Variants in ZDHHC15 observed in about 807,000 individuals in gnomAD.
ZDHHC15 encodes the protein zDHHC palmitoyltransferase 15, also known as palmitoyltransferase ZDHHC15.
ZDHHC15 carries 19 observed loss-of-function variants against 31.7 expected under a neutral mutation model. The observed-to-expected ratio is 0.60, with a 90% CI of 0.42 to 0.88. ZDHHC15 has a LOEUF of 0.88. Ranked by LOEUF, ZDHHC15 falls within the 40% of genes least tolerant of loss-of-function variation. ZDHHC15 has a pLI of 0.00. For synonymous variants in ZDHHC15, 103 were observed against 90.0 expected (o/e 1.14, Z -0.82); for missense variants, 209 against 251.2 (o/e 0.83, Z 1.14).
In ZDHHC15 at chrX:75,450,853, G is replaced by T. The variant is rs951882025; in HGVS notation, c.328C>A (p.Leu110Ile). The T allele has an allele frequency of 8.3e-7, 1 of 1,211,092 alleles. No individual in the cohort carries two copies. The highest frequency in any genetic ancestry group is 1.7e-5 in the African/African-American group (1 of 57,814). ...EERPEVQKQM[L>I]VDMAKKLPVY... ...GGTAGCTTTTTGGCCATATCAACAA[G>T]CATCTGCTTCTGGACCTCAGGTCTT... Residue 110 changes from leucine (L) to isoleucine (I), a missense_variant, in exon 4 of 12, where the codon CTT becomes ATT. Leu to Ile is a conservative substitution (Grantham distance 5). Transcript: ENST00000373367.
At chrX:75,424,855 G>A in intron 7 of ZDHHC15, 71 bp from the exon 8 acceptor site, 1 of 1,036,145 alleles carries the variant, frequency 9.7e-7, no homozygotes. Flanking sequence ...AAATATATAG[G>A]TTAGTAGTTT....
intron 4 of ZDHHC15, among the ~76,000 whole-genome samples, chrX:75,433,271 T>C (rs1376747922): frequency 4.4e-5 from 2 of 45,063 alleles, no homozygotes; most frequent in Non-Finnish European, 6.2e-5. Context: ...TTTGGTATGA[T>C]GGTTAATTTT....
chrX:75,478,791 T>A, intron 3 of ZDHHC15, 100 bp downstream of exon 3: 1 of 609,624 alleles, frequency 1.6e-6, no homozygotes, highest in Non-Finnish European at 2.6e-6. Flanking sequence ...TTACCCTGAC[T>A]CTTTCGTATT....
intron 3 of ZDHHC15, among the ~76,000 whole-genome samples, chrX:75,464,145 T>A (rs1042696740): frequency 3.6e-5 from 4 of 111,364 alleles, no homozygotes; most frequent in Non-Finnish European, 1.9e-5. Context: ...GGGACACGGA[T>A]GAAGCTGGAA....
intron 2 of ZDHHC15, among the ~76,000 whole-genome samples, chrX:75,504,987 G>A (rs986427030): frequency 4.5e-5 from 5 of 110,855 alleles, no homozygotes; most frequent in African/African-American, 1.6e-4. Context: ...AACACAATGA[G>A]GTAAAATAAT....
In ZDHHC15 at chrX:75,369,876, C is replaced by T. The variant is rs1458550471; in HGVS notation, c.*3102G>A. The T allele has an allele frequency of 1.8e-5, 2 of 111,834 alleles. No homozygotes were observed. The highest frequency in any genetic ancestry group is 3.8e-5 in the Non-Finnish European group (2 of 53,241). The allele number at this position is 111,834 out of a possible 1,213,427, so 9.2% of individuals were successfully genotyped here. A position where few individuals can be genotyped will look rare whatever the true frequency, so the allele number is the denominator to read the frequency against. On this transcript the variant is annotated 3_prime_UTR_variant, in exon 12 of 12. Coordinates refer to ENST00000373367, the MANE Select transcript of ZDHHC15 (RefSeq NM_144969.3). ...CAAGTTACTTTAACAATGTACTGAA[C>T]ATGGTAACTGTGAGCCCTGCATAAG...
At chrX:75,518,800 TATATATACACACACAC>T (rs1485048271) in intron 1 of ZDHHC15, among the ~76,000 whole-genome samples, 30 of 25,951 alleles carry the variant, frequency 1.2e-3, no homozygotes, top group Non-Finnish European at 3.6e-4. Flanking sequence ...TATATATATA[TATATATACACACACAC>T]ACACACACAC....
intron 1 of ZDHHC15, among the ~76,000 whole-genome samples, chrX:75,508,727 T>G (rs1225652003): frequency 9.0e-6 from 1 of 111,093 alleles, no homozygotes; most frequent in Non-Finnish European, 1.9e-5. Flanking sequence ...GGCCACACTG[T>G]CTTCCACAAT....
chrX:75,423,874 A>G (rs904672254), intron 8 of ZDHHC15, among the ~76,000 whole-genome samples: 2 of 110,311 alleles, frequency 1.8e-5, no homozygotes, highest in African/African-American at 6.6e-5. Context: ...CTTTTGCACT[A>G]AACTTTTCTC....
intron 10 of ZDHHC15, among the ~76,000 whole-genome samples, chrX:75,386,445 G>A (rs1321576745): frequency 4.5e-5 from 5 of 112,051 alleles, no homozygotes; most frequent in East Asian, 5.6e-4. Flanking sequence ...GGGAAAAGCC[G>A]CTGTTTAGTT....
At chrX:75,388,654 A>C (rs2147773000) in intron 10 of ZDHHC15, among the ~76,000 whole-genome samples, 1 of 112,144 alleles carries the variant, frequency 8.9e-6, no homozygotes, top group South Asian at 3.7e-4. Context: ...CAAAGGAAGA[A>C]AGAAAGAAGG....
intron 2 of ZDHHC15, among the ~76,000 whole-genome samples, chrX:75,504,372 C>T: frequency 9.0e-6 from 1 of 111,404 alleles, no homozygotes; most frequent in Non-Finnish European, 1.9e-5. Flanking sequence ...TTTGATAGTG[C>T]AGTATAATTT....
intron 4 of ZDHHC15, among the ~76,000 whole-genome samples, chrX:75,433,697 GTA>G (rs779122973): frequency 4.5e-4 from 3 of 6,630 alleles, no homozygotes; most frequent in African/African-American, 5.5e-4. Context: ...GTGTGTGTGT[GTA>G]TATATATATA....
intron 11 of ZDHHC15, 96 bp from the exon 12 acceptor site, chrX:75,373,041 T>C (rs1304634312): frequency 9.0e-6 from 1 of 111,545 alleles, no homozygotes; most frequent in Non-Finnish European, 1.9e-5. Flanking sequence ...CCATTAAAAT[T>C]ACATTTATGA....
intron 9 of ZDHHC15, among the ~76,000 whole-genome samples, chrX:75,419,455 G>A (rs1360673160): frequency 3.6e-5 from 4 of 110,946 alleles, no homozygotes; most frequent in Non-Finnish European, 7.6e-5. Flanking sequence ...AACAACAGAT[G>A]CTGGAGAGGA....
chrX:75,476,094 A>G (rs940112232), intron 3 of ZDHHC15, among the ~76,000 whole-genome samples: 3 of 111,469 alleles, frequency 2.7e-5, no homozygotes, highest in African/African-American at 9.8e-5. Context: ...GAATTCATTT[A>G]TTATTTATAA....
rs186006391 is a variant in ZDHHC15, at chrX:75,449,761, C to T, written c.379+1041G>A. On this transcript the variant is annotated intron_variant, in intron 4 of 11. Coordinates refer to ENST00000373367, the MANE Select transcript of ZDHHC15 (RefSeq NM_144969.3). ...GTAAACTTTCTAAAGCCTTGAAATA[C>T]GAAACATAATCATCCTTATTAGAAA... 2.9e-3 allele frequency among the ~76,000 whole-genome samples: 319 copies of T among 111,847 alleles called. 2 individuals are homozygous for T. In the East Asian group the frequency reaches 0.031, roughly 11 times the overall value.
intron 3 of ZDHHC15, among the ~76,000 whole-genome samples, chrX:75,472,199 T>C (rs1328016971): frequency 1.8e-5 from 2 of 111,780 alleles, no homozygotes; most frequent in African/African-American, 6.5e-5. Flanking sequence ...CCTGCACTGA[T>C]GGCCTCATGG....
chrX:75,522,844 T>C (rs2085461714), intron 1 of ZDHHC15, 45 bp downstream of exon 1: 6 of 1,205,123 alleles, frequency 5.0e-6, no homozygotes, highest in Non-Finnish European at 4.5e-6. Context: ...CAAACGATTA[T>C]ATTGGAGTAT....
Sources: allele counts gnomAD v4.1 joint callset (sites outside exome capture counted in the v4.1 genomes callset), GRCh38; gene constraint gnomAD v4.1.1; transcripts MANE v1.5; gene names NCBI Gene and HGNC (gene_info 2026-07-23, HGNC 2026-07-21).